The following SCFD2 variants were observed in gnomAD, a reference collection of about 807,000 sequenced individuals.
The protein encoded by SCFD2 is sec1 family domain-containing protein 2.
In SCFD2, 54 loss-of-function variants were observed where a neutral mutation model predicts 58.9. The observed-to-expected ratio is 0.92, with a 90% confidence interval of 0.74 to 1.15. The LOEUF (loss-of-function observed/expected upper bound fraction) is 1.15, where lower values mean the gene tolerates loss of function less well. Ranked by LOEUF, SCFD2 falls within the 50% of genes most tolerant of loss-of-function variation. The pLI is 0.00. For missense variants in SCFD2, 805 were observed against 836.6 expected (o/e 0.96, Z 0.47); for synonymous variants, 321 against 335.9 (o/e 0.96, Z 0.49).
chr4:53,272,974 C>A (rs1731221760), intron 4 of SCFD2, among the ~76,000 whole-genome samples: 1 of 151,852 alleles, frequency 6.6e-6, no homozygotes, highest in African/African-American at 2.4e-5. Context: ...TATGAGAAAG[C>A]AAACATCTAA....
intron 2 of SCFD2, among the ~76,000 whole-genome samples, chr4:53,327,904 G>A (rs1577970688): frequency 6.6e-6 from 1 of 152,126 alleles, no homozygotes; most frequent in Non-Finnish European, 1.5e-5. Flanking sequence ...GCCAACGTGG[G>A]TGGATCATGA....
intron 5 of SCFD2, among the ~76,000 whole-genome samples, chr4:52,958,688 G>A: frequency 6.6e-6 from 1 of 152,106 alleles, no homozygotes; most frequent in East Asian, 1.9e-4. Flanking sequence ...AGCCACCCAT[G>A]GCCAGAAATA....
At chr4:53,289,805 G>C (rs957148678) in intron 3 of SCFD2, among the ~76,000 whole-genome samples, 1 of 151,922 alleles carries the variant, frequency 6.6e-6, no homozygotes, top group African/African-American at 2.4e-5. Context: ...CCTGTAAAAA[G>C]TAACAACAAC....
chr4:53,153,728 C>T (rs545781532), intron 4 of SCFD2, among the ~76,000 whole-genome samples: 2 of 152,278 alleles, frequency 1.3e-5, no homozygotes, highest in South Asian at 4.1e-4. Context: ...CAGATTGTGA[C>T]TTTTCCAAAT....
At chr4:53,276,682 T>G (rs1731338208) in intron 3 of SCFD2, among the ~76,000 whole-genome samples, 1 of 152,170 alleles carries the variant, frequency 6.6e-6, no homozygotes, top group African/African-American at 2.4e-5. Flanking sequence ...GTTCCCATCA[T>G]TTAGCTCCCA....
At chr4:53,136,368 G>A (rs4342246) in intron 5 of SCFD2, among the ~76,000 whole-genome samples, 1 of 152,274 alleles carries the variant, frequency 6.6e-6, no homozygotes, top group South Asian at 2.1e-4. Context: ...GAATAGACTA[G>A]ATAATTGTTG....
intron 6 of SCFD2, among the ~76,000 whole-genome samples, chr4:52,910,743 C>T (rs1719464846): frequency 1.3e-5 from 2 of 152,068 alleles, no homozygotes; most frequent in Non-Finnish European, 1.5e-5. Context: ...CAGGAGGGAC[C>T]TGGTGGGAGG....
chr4:52,976,875 A>G (rs1410483131), intron 5 of SCFD2, among the ~76,000 whole-genome samples: 2 of 152,148 alleles, frequency 1.3e-5, no homozygotes, highest in Non-Finnish European at 2.9e-5. Context: ...TGGTTCCACC[A>G]TTTACTAGCT....
chr4:52,993,810 T>A (rs1721677184), intron 5 of SCFD2, among the ~76,000 whole-genome samples: 1 of 152,226 alleles, frequency 6.6e-6, no homozygotes, highest in African/African-American at 2.4e-5. Flanking sequence ...TGAAAATTAT[T>A]TATAGACTGT....
At chr4:53,133,804 T>C (rs1246692766) in intron 5 of SCFD2, among the ~76,000 whole-genome samples, 1 of 152,232 alleles carries the variant, frequency 6.6e-6, no homozygotes, top group Non-Finnish European at 1.5e-5. Context: ...GTTAGATTTC[T>C]AGTGGGGAAT....
intron 4 of SCFD2, among the ~76,000 whole-genome samples, chr4:53,179,476 A>T (rs1318418090): frequency 7.9e-5 from 12 of 152,222 alleles, no homozygotes; most frequent in Admixed American, 2.0e-4. Flanking sequence ...CCACCAGGCC[A>T]GTCCTAAAAG....
chr4:53,120,739 T>G (rs1393247098), intron 5 of SCFD2, among the ~76,000 whole-genome samples: 1 of 152,146 alleles, frequency 6.6e-6, no homozygotes, highest in African/African-American at 2.4e-5. Context: ...TTATTGAAAT[T>G]TTATAAGGTC....
intron 5 of SCFD2, among the ~76,000 whole-genome samples, chr4:53,017,313 CA>C (rs1480157550): frequency 3.9e-5 from 6 of 152,078 alleles, no homozygotes; most frequent in African/African-American, 1.4e-4. Context: ...ACATTCAAAT[CA>C]CATATGAAAA....
intron 5 of SCFD2, among the ~76,000 whole-genome samples, chr4:53,021,289 T>G (rs1722343622): frequency 6.6e-6 from 1 of 152,206 alleles, no homozygotes; most frequent in Admixed American, 6.6e-5. Context: ...AAATGTATCT[T>G]TAAAAGGATA....
chr4:53,162,770 A>G (rs1726891566), intron 4 of SCFD2, among the ~76,000 whole-genome samples: 1 of 152,030 alleles, frequency 6.6e-6, no homozygotes, highest in African/African-American at 2.4e-5. Flanking sequence ...TAATGGGTGC[A>G]GCACACCAGC....
chr4:53,258,041 G>A (rs1326733603), intron 4 of SCFD2, among the ~76,000 whole-genome samples: 7 of 152,122 alleles, frequency 4.6e-5, no homozygotes, highest in Non-Finnish European at 8.8e-5. Context: ...ATCATTGATC[G>A]AGGGCCATAA....
intron 5 of SCFD2, among the ~76,000 whole-genome samples, chr4:52,990,640 G>A (rs1721594639): frequency 6.6e-6 from 1 of 152,044 alleles, no homozygotes; most frequent in Non-Finnish European, 1.5e-5. Flanking sequence ...TTTGAGACTT[G>A]GAATGTCAAA....
rs931873101 is a variant in SCFD2, at chr4:53,188,421, G to A, written c.1312-42839C>T. 1.4e-3 allele frequency among the ~76,000 whole-genome samples: 27 copies of A among 19,444 alleles called. No homozygotes were observed. The South Asian group carries it at 0.018, about 13-fold the overall frequency. 12.8% of individuals were successfully genotyped at this position (19,444 alleles called of 152,430 possible). A position where few individuals can be genotyped will look rare whatever the true frequency, so the allele number is the denominator to read the frequency against. ...AAAGTCCTCACACTTCAAAACTGGT[G>A]TGTGTGTGTGTGTGTGTGTGTGTGT... On this transcript the variant is annotated intron_variant, in intron 4 of 8. Coordinates refer to ENST00000401642, the MANE Select transcript of SCFD2 (RefSeq NM_152540.4).
chr4:53,063,514 C>T lies in SCFD2; in HGVS notation c.1561+81819G>A, dbSNP rs555417259. On this transcript the variant is annotated intron_variant, in intron 5 of 8. Transcript: ENST00000401642. ...TCATAAATTCATTTAATGATCCTAA[C>T]GAACAAATAAATGCTATCATCTCCT... is the stretch of plus-strand genomic sequence containing the variant. 5.3e-5 allele frequency among the ~76,000 whole-genome samples: 8 copies of T among 152,162 alleles called. No homozygotes were observed. The South Asian group carries it at 1.5e-3, about 28-fold the overall frequency.
Sources: allele counts gnomAD v4.1 joint callset (sites outside exome capture counted in the v4.1 genomes callset), GRCh38; gene constraint gnomAD v4.1.1; transcripts MANE v1.5; gene names NCBI Gene and HGNC (gene_info 2026-07-23, HGNC 2026-07-21).